Variants in ALG1 observed in about 807,000 individuals in gnomAD.
The protein encoded by ALG1 is ALG1 chitobiosyldiphosphodolichol beta-mannosyltransferase.
Under a neutral mutation model 55.1 loss-of-function variants are expected in ALG1, and 58 were observed. The ratio of observed to expected loss-of-function variants is 1.05; its 90% CI spans 0.85 to 1.31. ALG1 has a LOEUF of 1.31. Among genes scored for constraint, ALG1 ranks in the 50% most tolerant of loss-of-function variants. The probability of loss-of-function intolerance (pLI) is 0.00; values close to 1 mark genes in which losing one functional copy is unlikely to be tolerated. For missense variants in ALG1, 761 were observed against 598.6 expected (o/e 1.27, Z -2.83); for synonymous variants, 309 against 247.0 (o/e 1.25, Z -2.35).
intron 3 of ALG1, among the ~76,000 whole-genome samples, chr16:5,074,064 T>G (rs143718090): frequency 1.3e-5 from 2 of 152,090 alleles, no homozygotes; most frequent in African/African-American, 4.8e-5. Flanking sequence ...CTTTAAAAAA[T>G]TTTTCTTTCT....
At chr16:5,079,259 G>A (rs1322533108) in intron 8 of ALG1, among the ~76,000 whole-genome samples, 157 bp downstream of exon 8, 1 of 152,222 alleles carries the variant, frequency 6.6e-6, no homozygotes, top group East Asian at 1.9e-4. Context: ...TGAATCCCCA[G>A]TTGGGTCATT....
chr16:5,080,027 G>A (rs1359455223), intron 9 of ALG1, among the ~76,000 whole-genome samples: 1 of 151,388 alleles, frequency 6.6e-6, no homozygotes, highest in Admixed American at 6.6e-5. Flanking sequence ...TACTTTTTCA[G>A]TAGTTTCCAA....
intron 6 of ALG1, chr16:5,078,329 C>T: frequency 1.6e-6 from 1 of 611,136 alleles, no homozygotes; most frequent in South Asian, 1.5e-5. Flanking sequence ...CTGTCTTACT[C>T]TCCTGCCAGT....
intron 3 of ALG1, 187 bp downstream of exon 3, chr16:5,073,443 A>G (rs1956855265): frequency 1.6e-6 from 1 of 641,952 alleles, no homozygotes; most frequent in Non-Finnish European, 2.8e-6. Flanking sequence ...GTCATTACAG[A>G]TAGTCTTACA....
At chr16:5,072,099 C>A in intron 1 of ALG1, 42 bp downstream of exon 1, 1 of 1,551,336 alleles carries the variant, frequency 6.4e-7, no homozygotes, top group Non-Finnish European at 8.7e-7. Context: ...CTCTCTCAGC[C>A]GTTGATCCTC....
Position 5,085,155 on chromosome 16 carries a change from T to C in ALG1, c.*274T>C. On this transcript the variant is annotated 3_prime_UTR_variant, in exon 13 of 13. Transcript: ENST00000262374. ...GCGTATTACTGTTCTGTGACTTCCC[T>C]GTGACCTCTGCAGAACTCCTCATCC... is the stretch of plus-strand genomic sequence containing the variant. 1.6e-6 allele frequency: 1 copy of C among 612,254 alleles called. No homozygotes were observed. The highest frequency in any genetic ancestry group is 2.8e-6 in the Non-Finnish European group (1 of 353,298). 37.9% of individuals were successfully genotyped at this position (612,254 alleles called of 1,614,324 possible).
At position 5,086,031 on chromosome 16, in the gene ALG1, A is replaced by C. The variant is rs1254749716; in HGVS notation, c.*1150A>C. Among the ~76,000 whole-genome samples, 2 of 151,978 alleles carry C rather than the reference A, an allele frequency of 1.3e-5. No homozygotes were observed. The highest frequency in any genetic ancestry group is 4.8e-5 in the African/African-American group (2 of 41,362). ...AAGCAGAGATCTGAATAGTCAACCCACTCTTCACAAAGCTTAGAAAGCGGC... is the reference window on the plus strand; with the variant it reads ...AAGCAGAGATCTGAATAGTCAACCCCCTCTTCACAAAGCTTAGAAAGCGGC... On this transcript the variant is annotated 3_prime_UTR_variant, in exon 13 of 13. Transcript: ENST00000262374.
At chr16:5,078,951 G>T in intron 7 of ALG1, 73 bp downstream of exon 7, 1 of 1,596,482 alleles carries the variant, frequency 6.3e-7, no homozygotes, top group Non-Finnish European at 8.5e-7. Context: ...CCTCACCCCT[G>T]CCAGTCCTGC....
chr16:5,080,853 A>G (rs1237705583), intron 9 of ALG1, 93 bp from the exon 10 acceptor site: 30 of 1,512,650 alleles, frequency 2.0e-5, no homozygotes, highest in Non-Finnish European at 2.6e-5. Context: ...CTTCTGGGAA[A>G]GGGATCCCTC....
Position 5,085,551 on chromosome 16 carries a change from T to G in ALG1, c.*670T>G. On this transcript the variant is annotated 3_prime_UTR_variant, in exon 13 of 13. Transcript: ENST00000262374. ...TCCAAACATTCCAGTCCAATGAAAG[T>G]TTTATCCGCTTTCCCATATAAAAAT... is the stretch of plus-strand genomic sequence containing the variant. 1 of 1,072,702 alleles carries G rather than the reference T, an allele frequency of 9.3e-7. No homozygotes were observed. Among genetic ancestry groups the G allele is most frequent in the Non-Finnish European group, 1.5e-6 (1 of 688,792 alleles). 66.4% of individuals were successfully genotyped at this position (1,072,702 alleles called of 1,614,324 possible). A position where few individuals can be genotyped will look rare whatever the true frequency, so the allele number is the denominator to read the frequency against.
chr16:5,080,358 C>T (rs1328535047), intron 9 of ALG1, among the ~76,000 whole-genome samples: 2 of 152,184 alleles, frequency 1.3e-5, no homozygotes, highest in Non-Finnish European at 2.9e-5. Flanking sequence ...AATCACTGTG[C>T]CCGGCCATGT....
intron 7 of ALG1, 87 bp downstream of exon 7, chr16:5,078,965 C>G (rs1956965731): frequency 6.3e-7 from 1 of 1,595,314 alleles, no homozygotes. Flanking sequence ...GTCCTGCATG[C>G]TCCCACCCTG....
In ALG1 at chr16:5,079,776, C is replaced by T; in HGVS notation, c.930C>T (p.His310=). 3 of 1,611,768 alleles carry T rather than the reference C, an allele frequency of 1.9e-6. No individual in the cohort carries two copies. The highest frequency in any genetic ancestry group is 2.5e-6 in the Non-Finnish European group (3 of 1,179,738). Reference sequence around the variant, plus strand: ...TTGAACAACTGACTCTTGATGGACACAACCTTCCTTCTCTCGTCTGTGTGA... The same window carrying T: ...TTGAACAACTGACTCTTGATGGACATAACCTTCCTTCTCTCGTCTGTGTGA... ...EKFEQLTLDG[H]NLPSLVCVIT... Residue 310 remains histidine (H), a synonymous_variant, in exon 9 of 13, where the codon CAC becomes CAT. Transcript: ENST00000262374.
chr16:5,084,530 A>G (rs1957080622), intron 12 of ALG1: 1 of 733,172 alleles, frequency 1.4e-6, no homozygotes, highest in South Asian at 1.7e-5. Flanking sequence ...CAGGGCACCA[A>G]GTGTGGGAAA....
chr16:5,074,312 AT>A (rs1432436110), intron 3 of ALG1, among the ~76,000 whole-genome samples: 1 of 151,542 alleles, frequency 6.6e-6, no homozygotes, highest in Non-Finnish European at 1.5e-5. Context: ...TGCCTGGCTA[AT>A]TTTTGTAATT....
chr16:5,084,572 T>G, intron 12 of ALG1, 178 bp from the exon 13 acceptor site: 1 of 992,162 alleles, frequency 1.0e-6, no homozygotes, highest in Non-Finnish European at 1.5e-6. Context: ...CCAGAAACTG[T>G]GATGTCAAGT....
In ALG1 at chr16:5,078,003, T is replaced by C. The variant is rs780479533; in HGVS notation, c.726T>C (p.Ser242=). 19 of 1,599,516 alleles carry C rather than the reference T, an allele frequency of 1.2e-5. No homozygotes were observed. Among genetic ancestry groups the C allele is most frequent in the Non-Finnish European group, 1.6e-5 (19 of 1,179,808 alleles). ...TCATGAAGCTGGGCAGCATGCACTC[T>C]CCGTTCAGGGCCCGGTAGGCCTCCC... ...RLFMKLGSMH[S]PFRARSEPED... The change falls in exon 6 of 13, where the codon TCT becomes TCC. Residue 242 remains serine, a synonymous_variant. Transcript: ENST00000262374.
Position 5,086,334 on chromosome 16 carries a change from CAAAA to C in ALG1, c.*1468_*1471del, listed in dbSNP as rs374671583. Among the ~76,000 whole-genome samples the C allele has an allele frequency of 0.54, 69,894 of 128,408 alleles. 17,967 individuals are homozygous for C. The highest frequency in any genetic ancestry group is 0.69 in the South Asian group (2,780 of 4,024). The allele number at this position is 128,408 out of a possible 152,430, so 84.2% of individuals were successfully genotyped here. A position where few individuals can be genotyped will look rare whatever the true frequency, so the allele number is the denominator to read the frequency against. On this transcript the variant is annotated 3_prime_UTR_variant, in exon 13 of 13. Coordinates refer to ENST00000262374, the MANE Select transcript of ALG1 (RefSeq NM_019109.5). ...TGAGTGACAGGGTGAGACTAAGTCT[CAAAA>C]AAAAAAAAAAAAAACCACACGCACC...
chr16:5,078,211 C>T, intron 6 of ALG1, 194 bp downstream of exon 6: 1 of 744,700 alleles, frequency 1.3e-6, no homozygotes, highest in Non-Finnish European at 2.3e-6. Flanking sequence ...CTACAGCCGC[C>T]TTTGAGCTGC....
Sources: allele counts gnomAD v4.1 joint callset (sites outside exome capture counted in the v4.1 genomes callset), GRCh38; gene constraint gnomAD v4.1.1; transcripts MANE v1.5; gene names NCBI Gene and HGNC (gene_info 2026-07-23, HGNC 2026-07-21).